The following ZC3H12B variants were observed in gnomAD, a reference collection of about 807,000 sequenced individuals.
ZC3H12B encodes the protein probable ribonuclease ZC3H12B.
ZC3H12B carries 7 observed loss-of-function variants against 43.9 expected under a neutral mutation model. The ratio of observed to expected loss-of-function variants is 0.16; its 90% confidence interval spans 0.09 to 0.30. The LOEUF (loss-of-function observed/expected upper bound fraction) is 0.30. Ranked by LOEUF, ZC3H12B falls within the 10% of genes least tolerant of loss-of-function variation. ZC3H12B has a pLI of 1.00. For synonymous variants in ZC3H12B, 222 were observed against 241.7 expected, an observed-to-expected ratio of 0.92 and a Z score of 0.76; for missense variants, 475 against 670.2, an observed-to-expected ratio of 0.71 and a Z score of 3.22.
chrX:65,337,168 G>T, the ZC3H12B span, among the ~76,000 whole-genome samples: 3 of 111,021 alleles, frequency 2.7e-5, no homozygotes, highest in Non-Finnish European at 5.7e-5. Flanking sequence ...CTTTACCCAG[G>T]TACCCCACCA....
chrX:65,347,017 C>T, the ZC3H12B span, among the ~76,000 whole-genome samples: 1 of 112,125 alleles, frequency 8.9e-6, no homozygotes, highest in African/African-American at 3.2e-5. Flanking sequence ...GGAGATACCT[C>T]CCACTAGGGG....
At chrX:65,436,623 C>G (rs188152574) in intron 3 of ZC3H12B, among the ~76,000 whole-genome samples, 6 of 111,775 alleles carry the variant, frequency 5.4e-5, no homozygotes, top group Admixed American at 4.8e-4. Flanking sequence ...AGCTCATATA[C>G]GTGATAAGCG....
At chrX:65,203,015 A>G in the ZC3H12B span, among the ~76,000 whole-genome samples, 4 of 111,742 alleles carry the variant, frequency 3.6e-5, no homozygotes, top group Non-Finnish European at 7.5e-5. Context: ...CTCTGTGGCC[A>G]CCACTGCCCC....
At chrX:65,350,097 G>C in the ZC3H12B span, among the ~76,000 whole-genome samples, 1 of 111,726 alleles carries the variant, frequency 9.0e-6, no homozygotes, top group African/African-American at 3.3e-5. Context: ...ACCTCAAGGT[G>C]AAAATCCTCA....
At chrX:65,229,622 C>T in the ZC3H12B span, among the ~76,000 whole-genome samples, 22 of 106,367 alleles carry the variant, frequency 2.1e-4, no homozygotes, top group South Asian at 4.3e-4. Context: ...AGAAAATTTT[C>T]GCAACCTACT....
At chrX:65,147,990 C>T in the ZC3H12B span, among the ~76,000 whole-genome samples, 1 of 110,578 alleles carries the variant, frequency 9.0e-6, no homozygotes, top group African/African-American at 3.3e-5. Context: ...GCCATGTAGG[C>T]TGGCCTGGAA....
At chrX:65,446,874 T>G (rs1216094320) in intron 3 of ZC3H12B, among the ~76,000 whole-genome samples, 1 of 112,180 alleles carries the variant, frequency 8.9e-6, no homozygotes, top group African/African-American at 3.2e-5. Flanking sequence ...CAATAGTTGT[T>G]CAGTTTGGTG....
At chrX:65,108,226 T>A in the ZC3H12B span, among the ~76,000 whole-genome samples, 1 of 111,337 alleles carries the variant, frequency 9.0e-6, no homozygotes, top group Non-Finnish European at 1.9e-5. Flanking sequence ...AATTTATTTT[T>A]AAATTTTTAA....
At chrX:65,051,837 G>A in the ZC3H12B span, among the ~76,000 whole-genome samples, 1 of 110,312 alleles carries the variant, frequency 9.1e-6, no homozygotes, top group Non-Finnish European at 1.9e-5. Context: ...GATTGACTGG[G>A]GATGAAATCA....
rs959974328 is a variant in ZC3H12B, at chrX:65,412,846, GTTTTGT to G, written n.407+14147_407+14152del. Reference sequence around the variant, plus strand: ...TGTAAATTCTGTTTTGTTTTGTTTTGTTTTGTTTTTTTTGAGGAAATGCAAAGCTGT... The same window carrying G: ...TGTAAATTCTGTTTTGTTTTGTTTTGTTTTTTTGAGGAAATGCAAAGCTGT... On this transcript the variant is annotated intron_variant and non_coding_transcript_variant, in intron 3 of 5. Transcript: ENST00000617377. Among the ~76,000 whole-genome samples, 4 of 88,027 alleles carry G rather than the reference GTTTTGT, an allele frequency of 4.5e-5. No homozygotes were observed. The African/African-American group carries it at 4.9e-4, about 11-fold the overall frequency. 76.4% of individuals were successfully genotyped at this position (88,027 alleles called of 115,157 possible).
At chrX:65,060,490 G>A in the ZC3H12B span, among the ~76,000 whole-genome samples, 1 of 111,808 alleles carries the variant, frequency 8.9e-6, no homozygotes, top group Non-Finnish European at 1.9e-5. Context: ...CTGTTGATAC[G>A]ATGTATTGCA....
the ZC3H12B span, among the ~76,000 whole-genome samples, chrX:65,273,269 G>A: frequency 1.8e-5 from 2 of 111,852 alleles, no homozygotes; most frequent in East Asian, 2.8e-4. Context: ...AAAAAGAAAT[G>A]TATCAGATAG....
the ZC3H12B span, among the ~76,000 whole-genome samples, chrX:65,197,775 A>T: frequency 4.4e-5 from 5 of 112,361 alleles, no homozygotes; most frequent in African/African-American, 1.6e-4. Context: ...ACACAATTCA[A>T]TCACTCGATC....
chrX:65,055,903 A>G, the ZC3H12B span, among the ~76,000 whole-genome samples: 1 of 111,692 alleles, frequency 9.0e-6, no homozygotes, highest in Non-Finnish European at 1.9e-5. Flanking sequence ...CTCTGATGGT[A>G]GTTTGTATTT....
the ZC3H12B span, among the ~76,000 whole-genome samples, chrX:65,138,330 G>A: frequency 9.0e-6 from 1 of 111,493 alleles, no homozygotes; most frequent in Non-Finnish European, 1.9e-5. Flanking sequence ...GAGACTGTGT[G>A]GAATTCATCT....
intron 3 of ZC3H12B, among the ~76,000 whole-genome samples, chrX:65,472,916 ATGTT>A (rs2067940631): frequency 3.3e-5 from 3 of 90,245 alleles, no homozygotes; most frequent in Admixed American, 1.3e-4. Context: ...GTTTATATAT[ATGTT>A]TGTGTATATA....
At chrX:65,360,934 A>G in the ZC3H12B span, among the ~76,000 whole-genome samples, 1 of 111,606 alleles carries the variant, frequency 9.0e-6, no homozygotes, top group East Asian at 2.8e-4. Context: ...AAAATTTGTC[A>G]CTGTTCTTAT....
At chrX:65,070,359 G>A in the ZC3H12B span, among the ~76,000 whole-genome samples, 1 of 110,028 alleles carries the variant, frequency 9.1e-6, no homozygotes, top group Non-Finnish European at 1.9e-5. Flanking sequence ...GTAGCTACTG[G>A]TCGGTCTAGT....
chrX:65,218,664 G>A, the ZC3H12B span, among the ~76,000 whole-genome samples: 4 of 110,733 alleles, frequency 3.6e-5, no homozygotes, highest in African/African-American at 9.9e-5. Context: ...GCCGCAACAA[G>A]CCCTGCCCAA....
Sources: gnomAD v4.1 joint callset for allele counts (sites outside exome capture counted in the v4.1 genomes callset) on GRCh38, gnomAD v4.1.1 for gene constraint, MANE v1.5 for transcripts, NCBI Gene and HGNC (gene_info 2026-07-23, HGNC 2026-07-21) for gene names.